Variants in ASIC2 observed in about 807,000 individuals in gnomAD.
ASIC2 encodes the protein acid-sensing ion channel 2.
Under a neutral mutation model 57.3 loss-of-function variants are expected in ASIC2, and 25 were observed. The ratio of observed to expected loss-of-function variants is 0.44; its 90% CI spans 0.32 to 0.61. The LOEUF (loss-of-function observed/expected upper bound fraction) is 0.61. Ranked by LOEUF, ASIC2 falls within the 20% of genes least tolerant of loss-of-function variation. The probability of loss-of-function intolerance (pLI) is 0.06; values close to 1 mark genes in which losing one functional copy is unlikely to be tolerated. For missense variants in ASIC2, 641 were observed against 738.1 expected (o/e 0.87, Z 1.52); for synonymous variants, 319 against 307.5 (o/e 1.04, Z -0.39).
At chr17:33,735,358 C>T (rs1214015361) in intron 1 of ASIC2, among the ~76,000 whole-genome samples, 1 of 152,110 alleles carries the variant, frequency 6.6e-6, no homozygotes, top group African/African-American at 2.4e-5. Flanking sequence ...GTGAAGGGCT[C>T]CGTGCTTTTC....
At position 34,038,932 on chromosome 17, in the gene ASIC2, A is replaced by G. The variant is rs1242840009; in HGVS notation, c.555+117046T>C. 5 of 1,612,742 alleles carry G rather than the reference A, an allele frequency of 3.1e-6. No individual in the cohort carries two copies. In the African/African-American group the frequency reaches 4.0e-5, roughly 13 times the overall value. ...TGATAAGATTCTGAAAAGCATAACC[A>G]TCTGTCCACTGCTCAGTAAATTTGG... On this transcript the variant is annotated intron_variant, in intron 1 of 9. Coordinates refer to the ASIC2 transcript ENST00000359872.
intron 1 of ASIC2, among the ~76,000 whole-genome samples, chr17:33,127,722 G>A (rs1168655362): frequency 6.6e-6 from 1 of 152,168 alleles, no homozygotes; most frequent in African/African-American, 2.4e-5. Flanking sequence ...AACCGAGTGA[G>A]CTGCTCATCT....
intron 1 of ASIC2, among the ~76,000 whole-genome samples, chr17:33,584,060 G>A (rs1463284885): frequency 4.6e-5 from 7 of 152,024 alleles, no homozygotes; most frequent in East Asian, 1.9e-4. Flanking sequence ...GGCACAGTTC[G>A]GAAATCCGTT....
chr17:33,476,504 C>CATAT (rs67811038), intron 1 of ASIC2, among the ~76,000 whole-genome samples: 3,338 of 122,386 alleles, frequency 0.027, 49 homozygotes, highest in Non-Finnish European at 0.036. Context: ...TGTGTGTGTG[C>CATAT]ATATATATAT....
chr17:33,296,691 G>A (rs1330447940), upstream of ASIC2, among the ~76,000 whole-genome samples: 1 of 152,006 alleles, frequency 6.6e-6, no homozygotes, highest in African/African-American at 2.4e-5. Flanking sequence ...CACCACCACT[G>A]ATAAGCTGTT....
chr17:34,125,473 A>T (rs1911752087), intron 1 of ASIC2, among the ~76,000 whole-genome samples: 1 of 152,110 alleles, frequency 6.6e-6, no homozygotes, highest in South Asian at 2.1e-4. Flanking sequence ...TCAGAAAAGT[A>T]ATTTGTTAGA....
intron 1 of ASIC2, among the ~76,000 whole-genome samples, chr17:33,972,385 G>A (rs1905248542): frequency 6.6e-6 from 1 of 152,140 alleles, no homozygotes; most frequent in Non-Finnish European, 1.5e-5. Context: ...CTCTAAAAGA[G>A]TAGTTTCTGT....
At chr17:33,026,860 G>A (rs933128943) in intron 4 of ASIC2, among the ~76,000 whole-genome samples, 1 of 152,024 alleles carries the variant, frequency 6.6e-6, no homozygotes, top group East Asian at 1.9e-4. Flanking sequence ...TTTCGGAGCC[G>A]AAGAGTCAAT....
At chr17:33,704,706 T>G (rs1028440967) in intron 1 of ASIC2, among the ~76,000 whole-genome samples, 16 of 152,168 alleles carry the variant, frequency 1.1e-4, no homozygotes, top group African/African-American at 3.9e-4. Flanking sequence ...CTGCCTCTGC[T>G]GCCTTGGGGA....
At chr17:33,965,806 C>T (rs1242165324) in intron 1 of ASIC2, among the ~76,000 whole-genome samples, 1 of 152,196 alleles carries the variant, frequency 6.6e-6, no homozygotes, top group African/African-American at 2.4e-5. Context: ...CTCACCTTGA[C>T]CACCACCTGG....
At chr17:33,562,869 C>T (rs1597785832) in intron 1 of ASIC2, among the ~76,000 whole-genome samples, 1 of 152,178 alleles carries the variant, frequency 6.6e-6, no homozygotes, top group Non-Finnish European at 1.5e-5. Flanking sequence ...CACACTCAGA[C>T]CACAGGATAA....
At chr17:33,622,076 C>G (rs1051948526) in intron 1 of ASIC2, among the ~76,000 whole-genome samples, 3 of 151,964 alleles carry the variant, frequency 2.0e-5, no homozygotes, top group Non-Finnish European at 4.4e-5. Context: ...ATTTCTCTCC[C>G]TTTCTTCCTT....
At chr17:34,029,119 G>A (rs185282294) in intron 1 of ASIC2, among the ~76,000 whole-genome samples, 4 of 151,632 alleles carry the variant, frequency 2.6e-5, no homozygotes, top group East Asian at 2.0e-4. Flanking sequence ...ACTATTCCTC[G>A]CTATGTGGCA....
At chr17:33,488,000 G>A (rs891297437) in intron 1 of ASIC2, among the ~76,000 whole-genome samples, 13 of 152,220 alleles carry the variant, frequency 8.5e-5, no homozygotes, top group African/African-American at 2.4e-4. Flanking sequence ...GGCCTATTAC[G>A]GGACTTTACC....
At chr17:33,960,369 C>G (rs540309211) in intron 1 of ASIC2, among the ~76,000 whole-genome samples, 1 of 152,166 alleles carries the variant, frequency 6.6e-6, no homozygotes, top group Non-Finnish European at 1.5e-5. Flanking sequence ...TCTCTCAAAC[C>G]ACTTTGAGTT....
chr17:33,860,323 A>G (rs1340293068), intron 1 of ASIC2, among the ~76,000 whole-genome samples: 1 of 152,166 alleles, frequency 6.6e-6, no homozygotes. Context: ...CAAGCAAAAT[A>G]AGCATTACCT....
intron 1 of ASIC2, among the ~76,000 whole-genome samples, chr17:33,719,889 AT>A (rs1027775301): frequency 6.6e-6 from 1 of 152,106 alleles, no homozygotes; most frequent in African/African-American, 2.4e-5. Context: ...AAACTTTTAA[AT>A]TTTTTTAGAA....
intron 1 of ASIC2, among the ~76,000 whole-genome samples, chr17:33,718,084 CA>C (rs749084109): frequency 3.9e-5 from 6 of 152,122 alleles, no homozygotes; most frequent in Non-Finnish European, 7.4e-5. Flanking sequence ...CTCCCTGTGC[CA>C]AAATCTGCGA....
chr17:33,298,937 A>G (rs1407187790), intron 1 of ASIC2, among the ~76,000 whole-genome samples: 1 of 152,256 alleles, frequency 6.6e-6, no homozygotes, highest in East Asian at 1.9e-4. Flanking sequence ...ACGAAATAAA[A>G]GAGGACACAA....
Sources: allele counts gnomAD v4.1 joint callset (sites outside exome capture counted in the v4.1 genomes callset), GRCh38; gene constraint gnomAD v4.1.1; transcripts MANE v1.5; gene names NCBI Gene and HGNC (gene_info 2026-07-23, HGNC 2026-07-21).